The following IGSF21 variants were observed in gnomAD, a reference collection of about 807,000 sequenced individuals.
IGSF21 encodes the protein immunoglobulin superfamily member 21.
A neutral mutation model predicts 46.8 loss-of-function variants in IGSF21; 28 were observed. The ratio of observed to expected loss-of-function variants is 0.60; its 90% CI spans 0.44 to 0.82. The LOEUF (loss-of-function observed/expected upper bound fraction) is 0.82, where lower values mean the gene tolerates loss of function less well. Ranked by LOEUF, IGSF21 falls within the 40% of genes least tolerant of loss-of-function variation. IGSF21 has a pLI of 0.00. For missense variants in IGSF21, 624 were observed against 665.5 expected, an observed-to-expected ratio of 0.94 and a Z score of 0.69; for synonymous variants, 284 against 273.6, an observed-to-expected ratio of 1.04 and a Z score of -0.38.
intron 1 of IGSF21, chr1:18,110,942 G>T (rs545922141): frequency 6.6e-6 from 1 of 152,454 alleles, no homozygotes; most frequent in African/African-American, 2.4e-5. Flanking sequence ...CCAGCCGGGG[G>T]TCTCCGGGAT....
chr1:18,160,730 A>G (rs1427600741), intron 1 of IGSF21, among the ~76,000 whole-genome samples: 2 of 152,154 alleles, frequency 1.3e-5, no homozygotes, highest in African/African-American at 4.8e-5. Flanking sequence ...CCCATTCTGA[A>G]CTTCAGCTTC....
chr1:18,270,018 G>A (rs545593810), intron 2 of IGSF21, among the ~76,000 whole-genome samples: 24 of 152,208 alleles, frequency 1.6e-4, no homozygotes, highest in Admixed American at 5.9e-4. Context: ...ACCAACCACC[G>A]CCCTTCACCC....
chr1:18,356,560 AG>A (rs1361869152), intron 4 of IGSF21, among the ~76,000 whole-genome samples: 1 of 152,238 alleles, frequency 6.6e-6, no homozygotes, highest in Non-Finnish European at 1.5e-5. Context: ...ATTCTGGCCC[AG>A]GAAGTCATGT....
intron 3 of IGSF21, among the ~76,000 whole-genome samples, chr1:18,319,921 C>T (rs1470211425): frequency 2.6e-5 from 4 of 152,144 alleles, no homozygotes; most frequent in Non-Finnish European, 5.9e-5. Context: ...AACTAAAATA[C>T]GAGTTCTATG....
chr1:18,149,975 G>A (rs571371839), intron 1 of IGSF21, among the ~76,000 whole-genome samples: 43 of 152,244 alleles, frequency 2.8e-4, no homozygotes, highest in African/African-American at 1.0e-3. Context: ...CTTTGGGGCC[G>A]GGGAGTGGTG....
rs114360745 is a variant in IGSF21 at position 18,365,893 on chromosome 1, T to C, written c.1015+196T>C. Reference sequence around the variant, plus strand: ...GAGCTGGATTGGAGAAGATGGGAGGTACCCACAGGCCAAGGTAGTTTGCTG... The same window carrying C: ...GAGCTGGATTGGAGAAGATGGGAGGCACCCACAGGCCAAGGTAGTTTGCTG... On this transcript the variant is annotated intron_variant, in intron 6 of 9. Transcript: ENST00000251296. The surrounding 1 kb of genome is among the most constrained non-coding windows in gnomAD (Gnocchi z 4.8). Among the ~76,000 whole-genome samples, 1,191 of 152,024 alleles carry C rather than the reference T, an allele frequency of 7.8e-3. 15 individuals are homozygous for C. The highest frequency in any genetic ancestry group is 0.027 in the African/African-American group (1,129 of 41,458).
chr1:18,225,085 T>TCTCACACACACA, intron 1 of IGSF21, among the ~76,000 whole-genome samples: 6 of 51,612 alleles, frequency 1.2e-4, no homozygotes, highest in African/African-American at 4.2e-4. Context: ...TCTCTCTCTC[T>TCTCACACACACA]CACACACACA....
chr1:18,182,291 C>T (rs1557576005), intron 1 of IGSF21, among the ~76,000 whole-genome samples: 1 of 151,792 alleles, frequency 6.6e-6, no homozygotes, highest in Non-Finnish European at 1.5e-5. Flanking sequence ...ATGCTTCCAC[C>T]TCAGCCTCCC....
At chr1:18,247,168 C>G (rs770976143) in intron 2 of IGSF21, among the ~76,000 whole-genome samples, 4 of 151,184 alleles carry the variant, frequency 2.6e-5, no homozygotes, top group Non-Finnish European at 4.4e-5. Flanking sequence ...GACTGCCACT[C>G]TACCCGTTTT....
chr1:18,176,790 A>C lies in IGSF21; in HGVS notation c.71-51108A>C, dbSNP rs145322875. 1.1e-4 allele frequency among the ~76,000 whole-genome samples: 17 copies of C among 152,272 alleles called. No homozygotes were observed. The East Asian group carries it at 3.3e-3, about 29-fold the overall frequency. On this transcript the variant is annotated intron_variant, in intron 1 of 9. Coordinates refer to ENST00000251296, the MANE Select transcript of IGSF21 (RefSeq NM_032880.5). Reference sequence around the variant, plus strand: ...ATGTTACAAGTCATTGGTAACCACAAATGTAAATAAAACGTTGTCAGCTCC... The same window carrying C: ...ATGTTACAAGTCATTGGTAACCACACATGTAAATAAAACGTTGTCAGCTCC...
chr1:18,180,293 G>T (rs1254633645), intron 1 of IGSF21, among the ~76,000 whole-genome samples: 1 of 152,110 alleles, frequency 6.6e-6, no homozygotes, highest in African/African-American at 2.4e-5. Context: ...GCCATGCAGG[G>T]TGCTCAAAAA....
chr1:18,221,262 T>C (rs1570352230), intron 1 of IGSF21, among the ~76,000 whole-genome samples: 1 of 152,230 alleles, frequency 6.6e-6, no homozygotes, highest in Non-Finnish European at 1.5e-5. Flanking sequence ...TGAAAACTCA[T>C]CTCGGTTTGC....
chr1:18,292,598 A>C (rs1476968553), intron 3 of IGSF21, among the ~76,000 whole-genome samples: 1 of 152,112 alleles, frequency 6.6e-6, no homozygotes, highest in African/African-American at 2.4e-5. Flanking sequence ...GCTGTTCTCT[A>C]TGTGTGTGGC....
intron 2 of IGSF21, among the ~76,000 whole-genome samples, chr1:18,257,940 A>G (rs902087202): frequency 6.6e-6 from 1 of 152,048 alleles, no homozygotes; most frequent in Non-Finnish European, 1.5e-5. Context: ...GCAGTCTCCC[A>G]CTCAAAAGTG....
chr1:18,233,714 C>T lies in IGSF21; in HGVS notation c.183+5704C>T, dbSNP rs558786840. Among the ~76,000 whole-genome samples the T allele has an allele frequency of 1.2e-3, 190 of 152,208 alleles. 2 individuals are homozygous for T. The South Asian group carries it at 0.016, about 13-fold the overall frequency. On this transcript the variant is annotated intron_variant, in intron 2 of 9. Transcript: ENST00000251296. ...GGAAGGTATTTGGGGAGGATCACCA[C>T]GGTTAGATTCCTTGAATTCCATCCT...
chr1:18,204,558 T>C (rs1018746637), intron 1 of IGSF21, among the ~76,000 whole-genome samples: 1 of 152,112 alleles, frequency 6.6e-6, no homozygotes, highest in Non-Finnish European at 1.5e-5. Flanking sequence ...TTGACGTCTC[T>C]GAATGTGTGC....
chr1:18,222,820 G>T (rs998508238), intron 1 of IGSF21, among the ~76,000 whole-genome samples: 6 of 152,172 alleles, frequency 3.9e-5, no homozygotes, highest in Admixed American at 1.3e-4. Flanking sequence ...GGACCTAGAG[G>T]AGAACTTTTC....
chr1:18,166,458 G>A (rs1208783510), intron 1 of IGSF21, among the ~76,000 whole-genome samples: 3 of 152,178 alleles, frequency 2.0e-5, no homozygotes, highest in African/African-American at 7.2e-5. Context: ...CCTTGGGCAA[G>A]TCACTCTATC....
intron 1 of IGSF21, among the ~76,000 whole-genome samples, chr1:18,187,057 C>T (rs1051708897): frequency 1.3e-5 from 2 of 152,142 alleles, no homozygotes; most frequent in Admixed American, 1.3e-4. Flanking sequence ...ATACTGTAAA[C>T]TGCGTGGCTT....
Sources: gnomAD v4.1 joint callset for allele counts (sites outside exome capture counted in the v4.1 genomes callset) on GRCh38, gnomAD v4.1.1 for gene constraint, Gnocchi (gnomAD v3.1) non-coding constraint, MANE v1.5 for transcripts, NCBI Gene and HGNC (gene_info 2026-07-23, HGNC 2026-07-21) for gene names.